NOP53: variants seen among roughly 807,000 people sequenced by gnomAD.
NOP53 encodes the protein ribosome biogenesis protein NOP53.
NOP53 carries 40 observed loss-of-function variants against 61.0 expected under a neutral mutation model. The ratio of observed to expected loss-of-function variants is 0.66; its 90% confidence interval spans 0.51 to 0.85. NOP53 has a LOEUF of 0.85. Among genes scored for constraint, NOP53 ranks in the 40% least tolerant of loss-of-function variants. The pLI is 0.00. For missense variants in NOP53, 689 were observed against 652.9 expected, an observed-to-expected ratio of 1.06 and a Z score of -0.60; for synonymous variants, 308 against 289.5, an observed-to-expected ratio of 1.06 and a Z score of -0.65.
chr19:47,756,634 G>T, intron 11 of NOP53, 30 bp downstream of exon 11: 1 of 1,612,764 alleles, frequency 6.2e-7, no homozygotes, highest in Non-Finnish European at 8.5e-7. Context: ...GCTGTGGGGC[G>T]AGGGCATCTG....
intron 2 of NOP53, 65 bp downstream of exon 2, chr19:47,747,096 C>G: frequency 3.1e-6 from 4 of 1,282,232 alleles, no homozygotes; most frequent in Non-Finnish European, 4.5e-6. Context: ...ACGGTAGCCT[C>G]TGAGATCTGT....
intron 4 of NOP53, 107 bp from the exon 5 acceptor site, chr19:47,751,413 C>T (rs775553343): frequency 1.0e-5 from 9 of 858,110 alleles, no homozygotes; most frequent in Admixed American, 2.1e-5. Context: ...CTTCCCTTGC[C>T]TGAGCTTCAG....
At position 47,754,924 on chromosome 19, in the gene NOP53, A is replaced by G. The variant is rs112778302; in HGVS notation, c.1053+33A>G. The stretch of plus-strand genomic sequence containing the variant: ...CCTGGGCCAGCGGGGCCTGCCTCTG[A>G]TGCCTCGCCCCCTTCCTTCCTTCCT... On this transcript the variant is annotated intron_variant, in intron 8 of 12. Coordinates refer to ENST00000246802, the MANE Select transcript of NOP53 (RefSeq NM_015710.5). The surrounding 1 kb of genome is among the most constrained non-coding windows in gnomAD (Gnocchi z 4.2). The G allele has an allele frequency of 1.4e-6, 2 of 1,475,662 alleles. No homozygotes were observed. Among genetic ancestry groups the G allele is most frequent in the African/African-American group, 2.9e-5 (2 of 69,652 alleles). The allele number at this position is 1,475,662 out of a possible 1,614,324, so 91.4% of individuals were successfully genotyped here.
rs1451546749 is a variant in NOP53, at chr19:47,755,462, A to AGGC, written c.1175_1177dup (p.Arg392dup). The AGGC allele has an allele frequency of 8.0e-6, 12 of 1,494,326 alleles. No homozygotes were observed. The highest frequency in any genetic ancestry group is 4.9e-5 in the Admixed American group (2 of 41,160). The allele number at this position is 1,494,326 out of a possible 1,614,324, so 92.6% of individuals were successfully genotyped here. A position where few individuals can be genotyped will look rare whatever the true frequency, so the allele number is the denominator to read the frequency against. On this transcript the variant is annotated inframe_insertion, in exon 9 of 13. Coordinates refer to ENST00000246802, the MANE Select transcript of NOP53 (RefSeq NM_015710.5). ...GCTGGCGGAGCTGGCGCGGCGGCAGAGGCGGCGGCAGGCGCGGCGGGAGGC... is the reference window on the plus strand; with the variant it reads ...GCTGGCGGAGCTGGCGCGGCGGCAGAGGCGGCGGCGGCAGGCGCGGCGGGAGGC...
Position 47,750,273 on chromosome 19 carries a change from C to T in NOP53, c.385C>T (p.Pro129Ser), listed in dbSNP as rs1226834505. The T allele has an allele frequency of 6.3e-7, 1 of 1,598,694 alleles. No individual in the cohort carries two copies. Among genetic ancestry groups the T allele is most frequent in the Non-Finnish European group, 8.6e-7 (1 of 1,165,980 alleles). The change falls in exon 3 of 13, where the codon CCT becomes TCT. Residue 129 changes from proline (P) to serine (S), a missense_variant. Transcript: ENST00000246802. ...DLILENTSKV[P>S]APKDVLAHQV... The stretch of plus-strand genomic sequence containing the variant: ...CATCCTCGAGAACACATCCAAAGTC[C>T]CTGCCCCCAAAGAGTGAGTGTCCCA...
rs769217538 is a variant in NOP53, at chr19:47,755,538, G to A, written c.1229+15G>A. On this transcript the variant is annotated intron_variant, in intron 9 of 12. Coordinates refer to ENST00000246802, the MANE Select transcript of NOP53 (RefSeq NM_015710.5). ...GGGCGGCTCAAGTGAGAACCAGGCC[G>A]GGGGTTCTGGGAGAGGCTGGGGAGG... 15 of 1,463,032 alleles carry A rather than the reference G, an allele frequency of 1.0e-5. No individual in the cohort carries two copies. The highest frequency in any genetic ancestry group is 7.5e-5 in the East Asian group (3 of 39,862). 90.6% of individuals were successfully genotyped at this position (1,463,032 alleles called of 1,614,324 possible).
At position 47,754,763 on chromosome 19, in the gene NOP53, G is replaced by C; in HGVS notation, c.925G>C (p.Gly309Arg). ...EGLLEESDGE[G>R]EPGQGEGPEA... ...GCTGCTGGAGGAGTCGGATGGTGAG[G>C]GGGAGCCAGGCCAGGGCGAGGGGCC... The change falls in exon 8 of 13, where the codon GGG becomes CGG. Residue 309 changes from glycine (G) to arginine (R), a missense_variant. Physicochemically the swap from Gly to Arg is moderately radical, Grantham distance 125 (BLOSUM62 -2). Transcript: ENST00000246802. This position sits in a 1 kb window ranked among gnomAD's most constrained non-coding sequence, Gnocchi z 4.2. The C allele has an allele frequency of 6.5e-7, 1 of 1,528,518 alleles. No homozygotes were observed. Among genetic ancestry groups the C allele is most frequent in the Non-Finnish European group, 8.8e-7 (1 of 1,134,710 alleles). The allele number at this position is 1,528,518 out of a possible 1,614,324, so 94.7% of individuals were successfully genotyped here.
At position 47,757,021 on chromosome 19, in the gene NOP53, G is replaced by A. The variant is rs368535144; in HGVS notation, c.*16G>A. On this transcript the variant is annotated 3_prime_UTR_variant, in exon 13 of 13. Coordinates refer to ENST00000246802, the MANE Select transcript of NOP53 (RefSeq NM_015710.5). Reference sequence around the variant, plus strand: ...CAGGTTGTAGCTGCCATCAGATGCCGGAGACTCGCCCTTCAATAAAAAATC... The same window carrying A: ...CAGGTTGTAGCTGCCATCAGATGCCAGAGACTCGCCCTTCAATAAAAAATC... 115 of 1,613,460 alleles carry A rather than the reference G, an allele frequency of 7.1e-5. No homozygotes were observed. The highest frequency in any genetic ancestry group is 9.4e-5 in the Non-Finnish European group (111 of 1,179,600).
intron 2 of NOP53, among the ~76,000 whole-genome samples, chr19:47,748,640 G>GC (rs1305942526): frequency 6.6e-6 from 1 of 152,074 alleles, no homozygotes; most frequent in Non-Finnish European, 1.5e-5. Context: ...ACACCTGTAA[G>GC]CCCAGCGCTT....
chr19:47,757,051 C>A lies in NOP53; in HGVS notation c.*46C>A. 6.2e-7 allele frequency: 1 copy of A among 1,609,528 alleles called. No homozygotes were observed. Among genetic ancestry groups the A allele is most frequent in the Non-Finnish European group, 8.5e-7 (1 of 1,175,772 alleles). On this transcript the variant is annotated 3_prime_UTR_variant, in exon 13 of 13. Coordinates refer to ENST00000246802, the MANE Select transcript of NOP53 (RefSeq NM_015710.5). ...CTCGCCCTTCAATAAAAAATCTCTT[C>A]TAGCTGATCAGTGGGCTCCACGTGT...
rs1285450181 is a variant in NOP53 at position 47,745,681 on chromosome 19, C to G, written c.122C>G (p.Pro41Arg). 6.2e-6 allele frequency: 10 copies of G among 1,613,106 alleles called. No individual in the cohort carries two copies. Among genetic ancestry groups the G allele is most frequent in the Non-Finnish European group, 8.5e-6 (10 of 1,179,630 alleles). ...DPALRRRRRG[P>R]RNKKRGWRRL... ...GCGCTGAGGCGGCGGCGGCGAGGCCCAAGAAATAAGAAGCGGGGCTGGCGG... is the reference window on the plus strand; with the variant it reads ...GCGCTGAGGCGGCGGCGGCGAGGCCGAAGAAATAAGAAGCGGGGCTGGCGG... Residue 41 changes from proline to arginine, a missense_variant, in exon 1 of 13, where the codon CCA (proline) becomes CGA (arginine). By Grantham distance (103) the Pro-to-Arg change is moderately radical. Transcript: ENST00000246802.
intron 2 of NOP53, 140 bp downstream of exon 2, chr19:47,747,171 G>A (rs2123670145): frequency 1.6e-6 from 1 of 641,762 alleles, no homozygotes; most frequent in Non-Finnish European, 2.7e-6. Flanking sequence ...TAAACAAGGG[G>A]ACCTCAAATG....
intron 10 of NOP53, 105 bp downstream of exon 10, chr19:47,755,927 TG>T (rs762214297): frequency 1.1e-6 from 1 of 913,200 alleles, no homozygotes; most frequent in Admixed American, 2.1e-5. Context: ...GCCCCTGGGC[TG>T]GGCCAGTGGG....
chr19:47,746,828 A>G (rs757215128), intron 1 of NOP53, 139 bp from the exon 2 acceptor site: 40 of 676,248 alleles, frequency 5.9e-5, no homozygotes, highest in Non-Finnish European at 7.5e-5. Context: ...TAAGTTCTGT[A>G]AACTGCTGGG....
At position 47,752,403 on chromosome 19, in the gene NOP53, C is replaced by T. The variant is rs545933565; in HGVS notation, c.670-109C>T. 2.1e-4 allele frequency: 152 copies of T among 708,188 alleles called. 1 individual carries two copies. In the South Asian group the frequency reaches 2.3e-3, roughly 11 times the overall value. The allele number at this position is 708,188 out of a possible 1,614,324, so 43.9% of individuals were successfully genotyped here. A position where few individuals can be genotyped will look rare whatever the true frequency, so the allele number is the denominator to read the frequency against. Reference sequence around the variant, plus strand: ...TCACCTGAATGCCCCTTGAGCTCTTCCCACACCCAACCACTGGCAAGGCCT... The same window carrying T: ...TCACCTGAATGCCCCTTGAGCTCTTTCCACACCCAACCACTGGCAAGGCCT... On this transcript the variant is annotated intron_variant, in intron 5 of 12. Transcript: ENST00000246802.
chr19:47,755,615 A>ACC, intron 9 of NOP53, 92 bp downstream of exon 9: 1 of 1,313,856 alleles, frequency 7.6e-7, no homozygotes, highest in Non-Finnish European at 1.0e-6. Flanking sequence ...GGAACTGCCC[A>ACC]CCCCCCCCAT....
chr19:47,751,649 C>T (rs1967126389), intron 5 of NOP53, 59 bp downstream of exon 5: 1 of 1,263,746 alleles, frequency 7.9e-7, no homozygotes, highest in African/African-American at 1.5e-5. Flanking sequence ...CCGGGAGCTG[C>T]TCTGTGTTCC....
At position 47,754,586 on chromosome 19, in the gene NOP53, G is replaced by A; in HGVS notation, c.825G>A (p.Leu275=). The change falls in exon 7 of 13, where the codon CTG becomes CTA. Residue 275 remains leucine (L), a synonymous_variant. Coordinates refer to ENST00000246802, the MANE Select transcript of NOP53 (RefSeq NM_015710.5). This position sits in a 1 kb window ranked among gnomAD's most constrained non-coding sequence, Gnocchi z 4.2. ...ELQRQKEAEK[L]ERQLALPATE... ...AGCGGCAGAAGGAGGCGGAGAAGCT[G>A]GAGCGGCAGCTGGCCCTGCCCGCCA... 3 of 1,551,168 alleles carry A rather than the reference G, an allele frequency of 1.9e-6. No homozygotes were observed. Among genetic ancestry groups the A allele is most frequent in the Non-Finnish European group, 2.6e-6 (3 of 1,148,616 alleles).
rs1016060451 is a variant in NOP53 at position 47,748,279 on chromosome 19, G to A, written c.289+1248G>A. The stretch of plus-strand genomic sequence containing the variant: ...TTGCTTTAGTGAGCGGGTAACACAC[G>A]TCTTAACTTGCTTGCCTTAAGTTGC... On this transcript the variant is annotated intron_variant, in intron 2 of 12. Coordinates refer to ENST00000246802, the MANE Select transcript of NOP53 (RefSeq NM_015710.5). 3.9e-5 allele frequency among the ~76,000 whole-genome samples: 6 copies of A among 151,988 alleles called. No individual in the cohort carries two copies. The South Asian group carries it at 1.0e-3, about 26-fold the overall frequency.
Sources: gnomAD v4.1 joint callset for allele counts (sites outside exome capture counted in the v4.1 genomes callset) on GRCh38, gnomAD v4.1.1 for gene constraint, Gnocchi (gnomAD v3.1) non-coding constraint, MANE v1.5 for transcripts, NCBI Gene and HGNC (gene_info 2026-07-23, HGNC 2026-07-21) for gene names.